Variants in U2SURP observed in about 807,000 individuals in gnomAD.
The protein encoded by U2SURP is U2 snRNP-associated SURP motif-containing protein.
A neutral mutation model predicts 144.9 loss-of-function variants in U2SURP; 9 were observed. The observed-to-expected ratio is 0.06, with a 90% CI of 0.04 to 0.11. The LOEUF (loss-of-function observed/expected upper bound fraction) is 0.11. Among genes scored for constraint, U2SURP ranks in the 10% least tolerant of loss-of-function variants. The probability of loss-of-function intolerance (pLI) is 1.00; values close to 1 mark genes in which losing one functional copy is unlikely to be tolerated. For missense variants in U2SURP, 724 were observed against 1,226.7 expected, an observed-to-expected ratio of 0.59 and a Z score of 6.12; for synonymous variants, 408 against 396.8, an observed-to-expected ratio of 1.03 and a Z score of -0.33.
intron 24 of U2SURP, among the ~76,000 whole-genome samples, chr3:143,047,064 C>T: frequency 7.8e-6 from 1 of 128,588 alleles, no homozygotes; most frequent in Non-Finnish European, 1.6e-5. Flanking sequence ...CCCCACCTCC[C>T]TCCCTGACGG....
intron 8 of U2SURP, 67 bp downstream of exon 8, chr3:143,020,760 C>T (rs1253789651): frequency 1.9e-5 from 23 of 1,241,528 alleles, no homozygotes; most frequent in East Asian, 7.3e-5. Context: ...TTATCCGTGG[C>T]GGGTTACATT....
intron 3 of U2SURP, among the ~76,000 whole-genome samples, chr3:143,013,811 A>G (rs1384177869): frequency 2.0e-5 from 3 of 152,080 alleles, no homozygotes; most frequent in Admixed American, 2.0e-4. Context: ...GTTCATAAAT[A>G]TCAGTATTAT....
intron 8 of U2SURP, among the ~76,000 whole-genome samples, chr3:143,020,989 C>A (rs1433158275): frequency 2.0e-5 from 3 of 152,118 alleles, no homozygotes; most frequent in African/African-American, 7.2e-5. Context: ...GTCAGGAGTT[C>A]GAGACCAGCC....
intron 16 of U2SURP, among the ~76,000 whole-genome samples, chr3:143,030,504 T>C (rs115204401): frequency 0.014 from 2,160 of 152,330 alleles, 46 homozygotes; most frequent in African/African-American, 0.046. Context: ...TTACTGCTCA[T>C]TGACAATGTA....
chr3:143,029,020 A>G (rs34673516), intron 16 of U2SURP, among the ~76,000 whole-genome samples: 16,696 of 152,224 alleles, frequency 0.11, 1,220 homozygotes, highest in Middle Eastern at 0.16. Context: ...GATTGTGGCT[A>G]TGCAAAGCCG....
At chr3:143,002,342 AAG>A (rs2108261645) in intron 1 of U2SURP, 1 of 152,404 alleles carries the variant, frequency 6.6e-6, no homozygotes, top group East Asian at 1.9e-4. Context: ...AAACAGTGAA[AAG>A]AGAAGCTCCG....
intron 10 of U2SURP, 120 bp downstream of exon 10, chr3:143,021,675 A>G: frequency 1.0e-6 from 1 of 988,000 alleles, no homozygotes; most frequent in Non-Finnish European, 1.5e-6. Context: ...GATAGTCTTT[A>G]GAGTTGTCTT....
chr3:143,018,005 TGAGCCCAG>T (rs1936456094), intron 6 of U2SURP, among the ~76,000 whole-genome samples: 1 of 151,876 alleles, frequency 6.6e-6, no homozygotes, highest in South Asian at 2.1e-4. Flanking sequence ...GAGGATGGCT[TGAGCCCAG>T]GAGTTTGAGA....
chr3:143,010,499 G>A (rs767103997), intron 1 of U2SURP, among the ~76,000 whole-genome samples: 1 of 152,168 alleles, frequency 6.6e-6, no homozygotes, highest in East Asian at 1.9e-4. Flanking sequence ...ATTAGGAAGA[G>A]CTTTTGCATA....
chr3:143,056,189 A>G (rs963889212), intron 27 of U2SURP, 123 bp from the exon 28 acceptor site: 2 of 1,002,626 alleles, frequency 2.0e-6, no homozygotes, highest in Non-Finnish European at 1.4e-6. Context: ...TTAGAAGTTC[A>G]TAGTCTTATT....
At chr3:143,023,187 ATAAG>A (rs1278488821) in intron 12 of U2SURP, 123 bp downstream of exon 12, 1 of 831,226 alleles carries the variant, frequency 1.2e-6, no homozygotes, top group African/African-American at 1.7e-5. Context: ...TTTTAAAGAA[ATAAG>A]TAGATGTGTT....
rs540210954 is a variant in U2SURP, at chr3:143,041,725, T to C, written c.2385-1392T>C. ...AACTTTTTACATTATTAAGAATAATTCTACATGTATATTAAAAGGAATCTT... is the reference window on the plus strand; with the variant it reads ...AACTTTTTACATTATTAAGAATAATCCTACATGTATATTAAAAGGAATCTT... On this transcript the variant is annotated intron_variant, in intron 23 of 27. Transcript: ENST00000473835. 1.2e-3 allele frequency among the ~76,000 whole-genome samples: 187 copies of C among 152,164 alleles called. 2 individuals are homozygous for C. The highest frequency in any genetic ancestry group is 6.8e-3 in the Middle Eastern group (2 of 294).
chr3:143,045,577 C>T (rs774354472), intron 24 of U2SURP, among the ~76,000 whole-genome samples: 2 of 152,228 alleles, frequency 1.3e-5, no homozygotes, highest in Middle Eastern at 3.4e-3. Flanking sequence ...TAACTTAGGT[C>T]GTTTTTACAA....
chr3:143,042,352 A>G (rs533908195), intron 23 of U2SURP, among the ~76,000 whole-genome samples: 1 of 152,274 alleles, frequency 6.6e-6, no homozygotes, highest in African/African-American at 2.4e-5. Context: ...GTTATTTCTT[A>G]GTAACTCTGT....
chr3:143,047,953 T>TG (rs1404587882), intron 24 of U2SURP, among the ~76,000 whole-genome samples: 2 of 151,928 alleles, frequency 1.3e-5, no homozygotes, highest in Non-Finnish European at 2.9e-5. Flanking sequence ...CTGAGAGCAG[T>TG]GCCTAGGCTG....
chr3:143,007,681 G>A (rs926786873), intron 1 of U2SURP, among the ~76,000 whole-genome samples: 5 of 152,120 alleles, frequency 3.3e-5, no homozygotes, highest in African/African-American at 7.2e-5. Flanking sequence ...CTGACTTTGT[G>A]ATCCGCCCGC....
Position 143,014,361 on chromosome 3 carries a change from A to G in U2SURP, c.273A>G (p.Thr91=). ...CATTCAGTATTGGAAAAATGAGTACAGCTAAGCGAACTTTAAGTAAAAAGG... is the reference window on the plus strand; with the variant it reads ...CATTCAGTATTGGAAAAATGAGTACGGCTAAGCGAACTTTAAGTAAAAAGG... ...LKAFSIGKMS[T]AKRTLSKKEQ... The change falls in exon 4 of 28, where the codon ACA becomes ACG. Residue 91 remains threonine, a synonymous_variant. Coordinates refer to ENST00000473835, the MANE Select transcript of U2SURP (RefSeq NM_001080415.2). 1 of 1,609,896 alleles carries G rather than the reference A, an allele frequency of 6.2e-7. No homozygotes were observed. The highest frequency in any genetic ancestry group is 8.5e-7 in the Non-Finnish European group (1 of 1,177,778).
intron 1 of U2SURP, chr3:143,002,200 C>T (rs1935570379): frequency 5.2e-6 from 1 of 192,420 alleles, no homozygotes; most frequent in East Asian, 1.8e-4. Flanking sequence ...AATGCAGAGG[C>T]GGGAGCAGCT....
At chr3:143,016,439 T>G in intron 5 of U2SURP, 68 bp downstream of exon 5, 2 of 1,359,510 alleles carry the variant, frequency 1.5e-6, no homozygotes, top group Middle Eastern at 1.9e-4. Flanking sequence ...AGCCCCATCT[T>G]GGTTGAATGA....
Sources: allele counts gnomAD v4.1 joint callset (sites outside exome capture counted in the v4.1 genomes callset), GRCh38; gene constraint gnomAD v4.1.1; transcripts MANE v1.5; gene names NCBI Gene and HGNC (gene_info 2026-07-23, HGNC 2026-07-21).